The following ADCY3 variants were observed in gnomAD, a reference collection of about 807,000 sequenced individuals.
The protein encoded by ADCY3 is adenylate cyclase type 3.
Under a neutral mutation model 119.4 loss-of-function variants are expected in ADCY3, and 70 were observed. The ratio of observed to expected loss-of-function variants is 0.59; its 90% CI spans 0.48 to 0.72. ADCY3 has a LOEUF of 0.72. Ranked by LOEUF, ADCY3 falls within the 30% of genes least tolerant of loss-of-function variation. The probability of loss-of-function intolerance (pLI) is 0.00; values close to 1 mark genes in which losing one functional copy is unlikely to be tolerated. For synonymous variants in ADCY3, 672 were observed against 621.4 expected, an observed-to-expected ratio of 1.08 and a Z score of -1.21; for missense variants, 1,238 against 1,541.6, an observed-to-expected ratio of 0.80 and a Z score of 3.30.
At chr2:24,838,663 TG>T in intron 7 of ADCY3, 41 bp from the exon 8 acceptor site, 1 of 1,610,020 alleles carries the variant, frequency 6.2e-7, no homozygotes. Context: ...CGGCCAGAGG[TG>T]GCCCTCACAC....
At chr2:24,828,322 AAGTT>A (rs1424687464) in intron 13 of ADCY3, among the ~76,000 whole-genome samples, 161 bp from the exon 14 acceptor site, 2 of 152,164 alleles carry the variant, frequency 1.3e-5, no homozygotes, top group African/African-American at 4.8e-5. Flanking sequence ...AATCATATGA[AAGTT>A]AGTAACTGCA....
At chr2:24,823,444 A>C in intron 17 of ADCY3, 89 bp from the exon 18 acceptor site, 1 of 1,425,142 alleles carries the variant, frequency 7.0e-7, no homozygotes. Context: ...CATGCATGAC[A>C]TGTGCACTCA....
chr2:24,874,536 C>G (rs1359425410), intron 2 of ADCY3, among the ~76,000 whole-genome samples: 1 of 152,238 alleles, frequency 6.6e-6, no homozygotes, highest in Non-Finnish European at 1.5e-5. Flanking sequence ...CAGCCTAACT[C>G]TCTGGCCAAC....
intron 2 of ADCY3, among the ~76,000 whole-genome samples, chr2:24,904,420 C>G (rs543730950): frequency 1.6e-4 from 24 of 152,140 alleles, no homozygotes; most frequent in Non-Finnish European, 3.4e-4. Context: ...GTCCATACTA[C>G]TGAGGCAGGA....
chr2:24,848,965 C>G (rs76431392), intron 3 of ADCY3, among the ~76,000 whole-genome samples: 2 of 152,146 alleles, frequency 1.3e-5, no homozygotes, highest in Admixed American at 1.3e-4. Flanking sequence ...CAGCCCCCCC[C>G]GCCACGTGTG....
At chr2:24,910,935 G>A (rs1468560446) in intron 2 of ADCY3, among the ~76,000 whole-genome samples, 8 of 152,126 alleles carry the variant, frequency 5.3e-5, no homozygotes, top group South Asian at 2.1e-4. Context: ...GTGAGCCACC[G>A]CGCCTGGCCT....
chr2:24,912,871 C>T (rs890143869), intron 2 of ADCY3, among the ~76,000 whole-genome samples: 2 of 152,118 alleles, frequency 1.3e-5, no homozygotes, highest in Non-Finnish European at 2.9e-5. Context: ...CAGAAAAGGC[C>T]ACAGAAAGCT....
At chr2:24,909,729 T>C (rs1364814369) in intron 2 of ADCY3, among the ~76,000 whole-genome samples, 1 of 152,184 alleles carries the variant, frequency 6.6e-6, no homozygotes, top group South Asian at 2.1e-4. Flanking sequence ...CTACCCAATC[T>C]CATGGCTTTA....
Position 24,872,498 on chromosome 2 carries a change from G to A in ADCY3, c.825+72C>T. ...CACGGAGCCAGGGGCTGCCGCTCTG[G>A]TTCCTCTCCCTCTGACAAGGCCACA... On this transcript the variant is annotated intron_variant, in intron 3 of 21. Coordinates refer to ENST00000679454, the MANE Select transcript of ADCY3 (RefSeq NM_004036.5). The surrounding 1 kb of genome is among the most constrained non-coding windows in gnomAD (Gnocchi z 4.4). The A allele has an allele frequency of 1.3e-6, 2 of 1,555,722 alleles. No homozygotes were observed. Among genetic ancestry groups the A allele is most frequent in the Non-Finnish European group, 1.7e-6 (2 of 1,148,796 alleles).
At chr2:24,836,300 C>T (rs566463536) in intron 9 of ADCY3, among the ~76,000 whole-genome samples, 12 of 152,330 alleles carry the variant, frequency 7.9e-5, no homozygotes, top group Admixed American at 6.5e-4. Flanking sequence ...TCTTGTTCTA[C>T]GGCATCTGCT....
At chr2:24,893,232 G>T (rs904731142) in intron 2 of ADCY3, among the ~76,000 whole-genome samples, 1 of 152,098 alleles carries the variant, frequency 6.6e-6, no homozygotes, top group Admixed American at 6.6e-5. Context: ...GAGGACAGAT[G>T]TGGTGGCTCA....
chr2:24,880,628 G>T (rs1284825567), intron 2 of ADCY3, among the ~76,000 whole-genome samples: 1 of 152,188 alleles, frequency 6.6e-6, no homozygotes, highest in Admixed American at 6.5e-5. Context: ...AAGTGACTAG[G>T]TAGCTGCTTT....
rs1346872946 is a variant in ADCY3 at position 24,918,716 on chromosome 2, T to C, written c.272A>G (p.Tyr91Cys). 3 of 1,613,824 alleles carry C rather than the reference T, an allele frequency of 1.9e-6. No homozygotes were observed. The highest frequency in any genetic ancestry group is 2.2e-5 in the East Asian group (1 of 44,874). Residue 91 changes from tyrosine to cysteine, a missense_variant, in exon 2 of 22, where the codon TAC becomes TGC. By Grantham distance (194) the Tyr-to-Cys change is radical. Around this residue, in one of 7 missense-constraint regions of ADCY3, gnomAD observed 227 missense variants for 249.3 expected, o/e 0.91. Transcript: ENST00000679454. This position sits in a 1 kb window ranked among gnomAD's most constrained non-coding sequence, Gnocchi z 5.4. ...GACCACAGCACACATGACCACCACG[T>C]AGCAGTCAAAGAGGGCTGCAAAGAC... ...LVVFAALFDC[Y>C]VVVMCAVVFS...
intron 16 of ADCY3, among the ~76,000 whole-genome samples, chr2:24,824,857 T>A (rs1174597240): frequency 6.6e-6 from 1 of 152,066 alleles, no homozygotes; most frequent in Non-Finnish European, 1.5e-5. Flanking sequence ...ACCACTGCAC[T>A]CCAGCCTGGG....
At position 24,842,259 on chromosome 2, in the gene ADCY3, G is replaced by A. The variant is rs201942948; in HGVS notation, c.951C>T (p.Asn317=). ...FNTMYMYRHE[N]VSILFADIVG... is the part of the protein sequence containing the mutation. ...CGCGCCCCGGGCCGGCGTACCTGAC[G>A]TTCTCGTGACGGTACATGTACATGG... The change falls in exon 4 of 22, where the codon AAC becomes AAT. Residue 317 remains asparagine, a synonymous_variant. Coordinates refer to ENST00000679454, the MANE Select transcript of ADCY3 (RefSeq NM_004036.5). This position sits in a 1 kb window ranked among gnomAD's most constrained non-coding sequence, Gnocchi z 4.9. The A allele has an allele frequency of 2.6e-5, 42 of 1,614,098 alleles. No individual in the cohort carries two copies. In the Middle Eastern group the frequency reaches 8.3e-4, roughly 32 times the overall value.
chr2:24,892,117 A>AT (rs952065970), intron 2 of ADCY3, among the ~76,000 whole-genome samples: 3 of 151,878 alleles, frequency 2.0e-5, no homozygotes, highest in African/African-American at 4.8e-5. Flanking sequence ...ATCTCTTGTG[A>AT]TTTTTTTCCT....
chr2:24,839,856 C>T lies in ADCY3; in HGVS notation c.1355+17G>A, dbSNP rs1402767739. The T allele has an allele frequency of 2.5e-6, 4 of 1,613,684 alleles. No individual in the cohort carries two copies. In the East Asian group the frequency reaches 6.7e-5, roughly 27 times the overall value. ...CCTCCCCAGTCCTCAAACCTGCCCC[C>T]TTGGAATGGCACTCACCCAGGGATG... On this transcript the variant is annotated intron_variant, in intron 7 of 21. Coordinates refer to ENST00000679454, the MANE Select transcript of ADCY3 (RefSeq NM_004036.5).
intron 3 of ADCY3, among the ~76,000 whole-genome samples, chr2:24,859,547 G>A (rs1449408144): frequency 1.3e-5 from 2 of 152,192 alleles, no homozygotes; most frequent in Non-Finnish European, 2.9e-5. Flanking sequence ...AGGTCTTGGG[G>A]GAAACAGTGA....
rs35610206 is a variant in ADCY3 at position 24,881,014 on chromosome 2, C to CA, written c.676-8296dup. Among the ~76,000 whole-genome samples, 1,261 of 135,344 alleles carry CA rather than the reference C, an allele frequency of 9.3e-3. 8 individuals are homozygous for CA. The highest frequency in any genetic ancestry group is 0.029 in the African/African-American group (1,082 of 37,358). 88.8% of individuals were successfully genotyped at this position (135,344 alleles called of 152,430 possible). A position where few individuals can be genotyped will look rare whatever the true frequency, so the allele number is the denominator to read the frequency against. On this transcript the variant is annotated intron_variant, in intron 2 of 21. Coordinates refer to ENST00000679454, the MANE Select transcript of ADCY3 (RefSeq NM_004036.5). ...TGGGCAATAGAGTGAGACTCCACCTCAAAAAAAAAAAAAAAGTCTCCTTCC... is the reference window on the plus strand; with the variant it reads ...TGGGCAATAGAGTGAGACTCCACCTCAAAAAAAAAAAAAAAAGTCTCCTTCC...
Sources: gnomAD v4.1 joint callset for allele counts (sites outside exome capture counted in the v4.1 genomes callset) on GRCh38, gnomAD v4.1.1 for gene constraint, gnomAD v4.1.1 regional missense constraint, Gnocchi (gnomAD v3.1) non-coding constraint, MANE v1.5 for transcripts, NCBI Gene and HGNC (gene_info 2026-07-23, HGNC 2026-07-21) for gene names.